MDGA2: variants seen among roughly 807,000 people sequenced by gnomAD.
The protein encoded by MDGA2 is MAM domain containing glycosylphosphatidylinositol anchor 2.
In MDGA2, 40 loss-of-function variants were observed where a neutral mutation model predicts 117.8. That is an observed-to-expected ratio of 0.34 (90% CI 0.26 to 0.44). MDGA2 has a LOEUF of 0.44. MDGA2 is among the 20% of genes least tolerant of loss of function. MDGA2 has a pLI of 1.00. For missense variants in MDGA2, 1,123 were observed against 1,250.6 expected (o/e 0.90, Z 1.54); for synonymous variants, 452 against 439.0 (o/e 1.03, Z -0.37).
chr14:47,483,984 A>T (rs1894005608), intron 1 of MDGA2, among the ~76,000 whole-genome samples: 1 of 152,218 alleles, frequency 6.6e-6, no homozygotes, highest in African/African-American at 2.4e-5. Context: ...TTCTCTAATC[A>T]GAAACTGTTT....
At chr14:47,613,735 C>A (rs2138911175) in intron 1 of MDGA2, among the ~76,000 whole-genome samples, 1 of 152,212 alleles carries the variant, frequency 6.6e-6, no homozygotes, top group African/African-American at 2.4e-5. Flanking sequence ...CACGTGATGA[C>A]AATGTAATTT....
chr14:47,551,566 T>C (rs1222896654), intron 1 of MDGA2, among the ~76,000 whole-genome samples: 3 of 152,158 alleles, frequency 2.0e-5, no homozygotes. Context: ...TTCCCCCAAT[T>C]TGATCTCTTA....
At chr14:47,212,037 A>G (rs1218250516) in intron 3 of MDGA2, among the ~76,000 whole-genome samples, 1 of 152,176 alleles carries the variant, frequency 6.6e-6, no homozygotes, top group Non-Finnish European at 1.5e-5. Context: ...ATAGACACTC[A>G]ATGAATGACG....
intron 3 of MDGA2, among the ~76,000 whole-genome samples, chr14:47,170,948 T>C (rs1884102351): frequency 1.3e-5 from 2 of 152,194 alleles, no homozygotes; most frequent in African/African-American, 4.8e-5. Context: ...TTGTGGTTTA[T>C]AGAGCATCTT....
intron 1 of MDGA2, among the ~76,000 whole-genome samples, chr14:47,449,992 C>G (rs553810116): frequency 7.2e-5 from 11 of 152,156 alleles, no homozygotes; most frequent in African/African-American, 2.4e-4. Flanking sequence ...AATTTAGTCA[C>G]TACTTTTTAA....
At chr14:47,061,117 C>A in intron 7 of MDGA2, 132 bp downstream of exon 7, 1 of 717,082 alleles carries the variant, frequency 1.4e-6, no homozygotes, top group Non-Finnish European at 2.3e-6. Flanking sequence ...ATTGAGCATT[C>A]AGAACATTAT....
intron 6 of MDGA2, among the ~76,000 whole-genome samples, chr14:47,080,156 T>A (rs1890656664): frequency 6.6e-6 from 1 of 152,192 alleles, no homozygotes. Flanking sequence ...AATTACATAA[T>A]TCAGGCATTA....
chr14:47,557,098 C>A (rs992766936), intron 1 of MDGA2, among the ~76,000 whole-genome samples: 1 of 152,076 alleles, frequency 6.6e-6, no homozygotes, highest in Non-Finnish European at 1.5e-5. Context: ...TTCCCCAGGG[C>A]GCATAGTTCA....
At chr14:47,528,973 T>C (rs1895032828) in intron 1 of MDGA2, among the ~76,000 whole-genome samples, 2 of 146,666 alleles carry the variant, frequency 1.4e-5, no homozygotes, top group South Asian at 2.3e-4. Context: ...TTACCTCCTA[T>C]AGTGTCAAGG....
chr14:47,537,573 TTAAAAAAAAAAAAAAAAAAAAAA>T (rs1446965490), intron 1 of MDGA2, among the ~76,000 whole-genome samples: 12 of 57,106 alleles, frequency 2.1e-4, no homozygotes, highest in Admixed American at 4.7e-4. Flanking sequence ...CTTCTCTCTG[TTAAAAAAAAAAAAAAAAAAAAAA>T]AAAAAAAAAA....
intron 5 of MDGA2, 134 bp from the exon 6 acceptor site, chr14:47,097,257 T>A: frequency 1.2e-6 from 1 of 838,984 alleles, no homozygotes; most frequent in South Asian, 1.8e-5. Flanking sequence ...CATACTGTAT[T>A]ACTCAAATTT....
intron 4 of MDGA2, among the ~76,000 whole-genome samples, chr14:47,140,121 A>C (rs1020129661): frequency 2.6e-5 from 4 of 151,910 alleles, no homozygotes; most frequent in African/African-American, 9.7e-5. Context: ...AAATAAATTT[A>C]ACCAAGGAGG....
chr14:46,873,640 A>C lies in MDGA2; in HGVS notation c.2594-49T>G, dbSNP rs767268370. On this transcript the variant is annotated intron_variant, in intron 13 of 16. Transcript: ENST00000399232. The stretch of plus-strand genomic sequence containing the variant: ...TTTAAACACATTATTCTTAGGCATA[A>C]TGAAATTTCAAATCACTGAGAAGTC... 22 of 1,509,486 alleles carry C rather than the reference A, an allele frequency of 1.5e-5. No individual in the cohort carries two copies. The African/African-American group carries it at 2.7e-4, about 18-fold the overall frequency. 93.5% of individuals were successfully genotyped at this position (1,509,486 alleles called of 1,614,324 possible).
chr14:47,174,909 A>G (rs995650025), intron 3 of MDGA2, among the ~76,000 whole-genome samples: 1 of 152,224 alleles, frequency 6.6e-6, no homozygotes, highest in Non-Finnish European at 1.5e-5. Context: ...TTGCAAGACT[A>G]ATAAAGAAAA....
intron 2 of MDGA2, among the ~76,000 whole-genome samples, chr14:47,245,310 T>G (rs1055641221): frequency 1.3e-5 from 2 of 151,916 alleles, no homozygotes; most frequent in Non-Finnish European, 2.9e-5. Flanking sequence ...TAACAGTTTC[T>G]TTTCTTTATC....
At chr14:47,315,641 A>C (rs1889784590) in intron 1 of MDGA2, among the ~76,000 whole-genome samples, 1 of 152,108 alleles carries the variant, frequency 6.6e-6, no homozygotes, top group Admixed American at 6.6e-5. Context: ...TCATTTGTGT[A>C]GCAAATAAGA....
intron 1 of MDGA2, among the ~76,000 whole-genome samples, chr14:47,517,742 G>GTTTTTATACTT (rs1894784423): frequency 6.6e-6 from 1 of 152,030 alleles, no homozygotes; most frequent in Non-Finnish European, 1.5e-5. Context: ...ACATCATGAA[G>GTTTTTATACTT]AATAGCTTAT....
intron 1 of MDGA2, among the ~76,000 whole-genome samples, chr14:47,544,237 G>T (rs2138762540): frequency 1.3e-5 from 2 of 152,220 alleles, no homozygotes; most frequent in East Asian, 3.9e-4. Context: ...GACTACGTGT[G>T]TAAGCTCCCT....
At chr14:47,577,892 C>G (rs1896145288) in intron 1 of MDGA2, among the ~76,000 whole-genome samples, 1 of 152,108 alleles carries the variant, frequency 6.6e-6, no homozygotes, top group Non-Finnish European at 1.5e-5. Flanking sequence ...ACCAGAAATA[C>G]CATTTGACTG....
Sources: gnomAD v4.1 joint callset for allele counts (sites outside exome capture counted in the v4.1 genomes callset) on GRCh38, gnomAD v4.1.1 for gene constraint, MANE v1.5 for transcripts, NCBI Gene and HGNC (gene_info 2026-07-23, HGNC 2026-07-21) for gene names.